Variants in POF1B observed in about 807,000 individuals in gnomAD.
The protein encoded by POF1B is protein POF1B.
POF1B carries 53 observed loss-of-function variants against 55.3 expected under a neutral mutation model. The observed-to-expected ratio is 0.96, with a 90% CI of 0.77 to 1.20. The LOEUF (loss-of-function observed/expected upper bound fraction) is 1.20, where lower values mean the gene tolerates loss of function less well. POF1B is among the 50% of genes most tolerant of loss of function. The pLI, the probability that POF1B is intolerant of heterozygous loss-of-function variation, is 0.00. For synonymous variants in POF1B, 188 were observed against 148.3 expected (o/e 1.27, Z -1.95); for missense variants, 478 against 420.5 (o/e 1.14, Z -1.20).
In POF1B at chrX:85,303,415, G is replaced by A. The variant is rs754585079; in HGVS notation, c.1640C>T (p.Thr547Ile). ...TTTAAAAATACATTACTTTTTAGTG[G>A]TAATAGTAGTCCTTCCACCAGTGGA... ...QPSTGGRTTI[T>I]TKKYRTQYPI... The change falls in exon 15 of 17, where the codon ACC (threonine) becomes ATC (isoleucine). Residue 547 changes from threonine (T) to isoleucine (I), a missense_variant. Physicochemically the swap from Thr to Ile is moderately conservative, Grantham distance 89. Coordinates refer to ENST00000262753, the MANE Select transcript of POF1B (RefSeq NM_024921.4). The A allele has an allele frequency of 3.5e-6, 4 of 1,156,189 alleles. No homozygotes were observed. The highest frequency in any genetic ancestry group is 4.7e-6 in the Non-Finnish European group (4 of 853,196).
intron 5 of POF1B, among the ~76,000 whole-genome samples, chrX:85,348,996 A>G (rs747061816): frequency 9.0e-6 from 1 of 111,517 alleles, no homozygotes; most frequent in African/African-American, 3.2e-5. Flanking sequence ...TTGATTTCTT[A>G]TAAAGGAAAA....
chrX:85,298,281 C>G (rs1932353892), intron 15 of POF1B, among the ~76,000 whole-genome samples: 1 of 112,190 alleles, frequency 8.9e-6, no homozygotes, highest in Non-Finnish European at 1.9e-5. Context: ...GCAGCTGTTC[C>G]ACATGTAAAA....
At chrX:85,321,722 G>T (rs1156937769) in intron 7 of POF1B, among the ~76,000 whole-genome samples, 1 of 99,534 alleles carries the variant, frequency 1.0e-5, no homozygotes, top group African/African-American at 4.2e-5. Context: ...ATCTCCTTAA[G>T]CTGATAAGCA....
chrX:85,366,625 G>A (rs1933728017), intron 3 of POF1B, among the ~76,000 whole-genome samples: 1 of 111,410 alleles, frequency 9.0e-6, no homozygotes, highest in African/African-American at 3.3e-5. Context: ...TGATTTAAGT[G>A]AATCAATCTC....
rs1380977264 is a variant in POF1B at position 85,279,352 on chromosome X, G to A, written c.*69C>T. On this transcript the variant is annotated 3_prime_UTR_variant, in exon 17 of 17. Transcript: ENST00000262753. The stretch of plus-strand genomic sequence containing the variant: ...CCTTTAGTGATGGAAAAATAACAAA[G>A]TACTAATGCAGAGACACACACACAA... 2.9e-6 allele frequency: 3 copies of A among 1,032,033 alleles called. No homozygotes were observed. Among genetic ancestry groups the A allele is most frequent in the East Asian group, 3.1e-5 (1 of 32,450 alleles). 85.1% of individuals were successfully genotyped at this position (1,032,033 alleles called of 1,213,427 possible).
intron 15 of POF1B, among the ~76,000 whole-genome samples, chrX:85,298,509 A>C (rs940041199): frequency 4.5e-5 from 5 of 111,809 alleles, no homozygotes; most frequent in African/African-American, 1.6e-4. Context: ...ACACCAATGC[A>C]GTTTTCCCAG....
At chrX:85,315,912 A>AT (rs936475012) in intron 7 of POF1B, among the ~76,000 whole-genome samples, 178 bp from the exon 8 acceptor site, 4 of 110,647 alleles carry the variant, frequency 3.6e-5, no homozygotes, top group Admixed American at 9.7e-5. Flanking sequence ...GTTTGACTAA[A>AT]TTTTTTTTTC....
chrX:85,344,788 T>A (rs1300170752), intron 6 of POF1B, among the ~76,000 whole-genome samples: 1 of 111,072 alleles, frequency 9.0e-6, no homozygotes, highest in Non-Finnish European at 1.9e-5. Flanking sequence ...TTAGAAAATT[T>A]AAAAAAATGT....
At chrX:85,356,291 A>G (rs1240778058) in intron 4 of POF1B, among the ~76,000 whole-genome samples, 1 of 98,559 alleles carries the variant, frequency 1.0e-5, no homozygotes, top group Non-Finnish European at 2.0e-5. Flanking sequence ...GGGGGGCATC[A>G]CACACTGGGG....
At chrX:85,328,615 C>T (rs923283958) in intron 7 of POF1B, among the ~76,000 whole-genome samples, 8 of 110,985 alleles carry the variant, frequency 7.2e-5, no homozygotes, top group Non-Finnish European at 1.1e-4. Context: ...ACTTTTGCAA[C>T]TTTAGTTTAG....
rs1260910240 is a variant in POF1B, at chrX:85,351,343, T to G, written c.540+7A>C. The stretch of plus-strand genomic sequence containing the variant: ...AAAAACAAGTTTTAAAACAAAATAT[T>G]ACTTACCTGATCAGTATTTAGCTTC... On this transcript the variant is annotated splice_region_variant and intron_variant, in intron 5 of 16. Coordinates refer to ENST00000262753, the MANE Select transcript of POF1B (RefSeq NM_024921.4). 5.4e-6 allele frequency: 6 copies of G among 1,113,695 alleles called. No homozygotes were observed. The highest frequency in any genetic ancestry group is 6.1e-5 in the East Asian group (2 of 32,819). The allele number at this position is 1,113,695 out of a possible 1,213,427, so 91.8% of individuals were successfully genotyped here. A position where few individuals can be genotyped will look rare whatever the true frequency, so the allele number is the denominator to read the frequency against.
intron 3 of POF1B, among the ~76,000 whole-genome samples, chrX:85,365,168 T>C (rs986407865): frequency 8.9e-6 from 1 of 112,092 alleles, no homozygotes; most frequent in African/African-American, 3.2e-5. Context: ...TTTATTGTGA[T>C]TATTAGTTTT....
rs150102609 is a variant in POF1B, at chrX:85,336,870, C to G, written c.724-5791G>C. Among the ~76,000 whole-genome samples the G allele has an allele frequency of 1.7e-3, 186 of 111,403 alleles. 3 individuals carry two copies. The East Asian group carries it at 0.051, about 31-fold the overall frequency. ...GGGTTATTACTCAAGAAATCTTTGC[C>G]CAGTCCAATGTCCTGAATAGCTTCC... On this transcript the variant is annotated intron_variant, in intron 6 of 16. Transcript: ENST00000262753.
chrX:85,315,787 C>A, intron 7 of POF1B, 53 bp from the exon 8 acceptor site: 1 of 950,269 alleles, frequency 1.1e-6, no homozygotes, highest in Non-Finnish European at 1.4e-6. Flanking sequence ...ATTCACTGAT[C>A]ATATATAAAT....
At chrX:85,287,679 T>A (rs370633474) in intron 15 of POF1B, among the ~76,000 whole-genome samples, 5 of 111,181 alleles carry the variant, frequency 4.5e-5, no homozygotes, top group Non-Finnish European at 7.6e-5. Context: ...ATAAATAATA[T>A]CAATCTTACA....
intron 4 of POF1B, among the ~76,000 whole-genome samples, chrX:85,353,874 G>C (rs1242263967): frequency 9.0e-6 from 1 of 111,440 alleles, no homozygotes; most frequent in Non-Finnish European, 1.9e-5. Flanking sequence ...TTTAAAGGAA[G>C]AGTAATTTTC....
At chrX:85,335,746 A>G (rs1933060109) in intron 6 of POF1B, among the ~76,000 whole-genome samples, 1 of 109,776 alleles carries the variant, frequency 9.1e-6, no homozygotes, top group Non-Finnish European at 1.9e-5. Context: ...GTACATATTT[A>G]TGGGATGTTT....
rs1932572711 is a variant in POF1B at position 85,306,278 on chromosome X, G to C, written c.1220C>G (p.Ser407Cys). 1.7e-6 allele frequency: 2 copies of C among 1,208,361 alleles called. No individual in the cohort carries two copies. Among genetic ancestry groups the C allele is most frequent in the Non-Finnish European group, 2.2e-6 (2 of 892,837 alleles). ...KCQALEENNL[S>C]LRHTLSDMEY... is the part of the protein sequence containing the mutation. ...CATGTCTGATAGTGTATGTCGAAGA[G>C]AGAGATTGTTTTCTTCCAATGCCTG... Residue 407 changes from serine (S) to cysteine (C), a missense_variant, in exon 12 of 17, where the codon TCT becomes TGT. Coordinates refer to ENST00000262753, the MANE Select transcript of POF1B (RefSeq NM_024921.4).
rs1429374586 is a variant in POF1B at position 85,279,374 on chromosome X, A to G, written c.*47T>C. The G allele has an allele frequency of 1.8e-6, 2 of 1,137,903 alleles. No individual in the cohort carries two copies. The highest frequency in any genetic ancestry group is 3.7e-5 in the African/African-American group (2 of 54,499). 93.8% of individuals were successfully genotyped at this position (1,137,903 alleles called of 1,213,427 possible). A position where few individuals can be genotyped will look rare whatever the true frequency, so the allele number is the denominator to read the frequency against. On this transcript the variant is annotated 3_prime_UTR_variant, in exon 17 of 17. Transcript: ENST00000262753. ...AAAGTACTAATGCAGAGACACACAC[A>G]CAAAAAAAAAACGGCTTTGAGTTGT...
Sources: allele counts gnomAD v4.1 joint callset (sites outside exome capture counted in the v4.1 genomes callset), GRCh38; gene constraint gnomAD v4.1.1; transcripts MANE v1.5; gene names NCBI Gene and HGNC (gene_info 2026-07-23, HGNC 2026-07-21).